The following CGNL1 variants were observed in gnomAD, a reference collection of about 807,000 sequenced individuals.
The protein encoded by CGNL1 is cingulin like 1.
In CGNL1, 132 loss-of-function variants were observed where a neutral mutation model predicts 141.2. The observed-to-expected ratio is 0.93, with a 90% CI of 0.81 to 1.08. The LOEUF is 1.08. CGNL1 is among the 50% of genes least tolerant of loss of function. The pLI is 0.00. For synonymous variants in CGNL1, 690 were observed against 622.1 expected (o/e 1.11, Z -1.63); for missense variants, 1,870 against 1,588.6 (o/e 1.18, Z -3.01).
chr15:57,478,630 A>G (rs1422848605), intron 8 of CGNL1, among the ~76,000 whole-genome samples: 1 of 152,156 alleles, frequency 6.6e-6, no homozygotes, highest in East Asian at 1.9e-4. Context: ...GTGAAAGGAT[A>G]CATGGTGACC....
intron 13 of CGNL1, among the ~76,000 whole-genome samples, chr15:57,529,769 A>G (rs552552313): frequency 6.6e-6 from 1 of 152,354 alleles, no homozygotes; most frequent in South Asian, 2.1e-4. Context: ...TTCAAAATCA[A>G]TGGAATTCCT....
chr15:57,416,487 C>G (rs2062851050), intron 1 of CGNL1, among the ~76,000 whole-genome samples: 1 of 152,182 alleles, frequency 6.6e-6, no homozygotes, highest in African/African-American at 2.4e-5. Context: ...GCATCCTCTC[C>G]TGACCCCTCT....
chr15:57,420,545 A>G (rs371778369), intron 1 of CGNL1, among the ~76,000 whole-genome samples: 60 of 152,294 alleles, frequency 3.9e-4, no homozygotes, highest in African/African-American at 1.4e-3. Flanking sequence ...CAATTCCACT[A>G]TACACATATA....
chr15:57,465,031 T>C (rs1285854050), intron 8 of CGNL1, among the ~76,000 whole-genome samples: 1 of 152,100 alleles, frequency 6.6e-6, no homozygotes, highest in Non-Finnish European at 1.5e-5. Flanking sequence ...GGATTACAGA[T>C]GTGAGCCACT....
intron 3 of CGNL1, 78 bp downstream of exon 3, chr15:57,440,549 A>C: frequency 9.4e-7 from 1 of 1,064,658 alleles, no homozygotes; most frequent in Non-Finnish European, 1.4e-6. Context: ...CGAGGCTTTA[A>C]TGGTTACCTT....
chr15:57,462,293 C>T (rs2063457429), intron 8 of CGNL1, among the ~76,000 whole-genome samples: 2 of 152,140 alleles, frequency 1.3e-5, no homozygotes, highest in African/African-American at 2.4e-5. Flanking sequence ...AATCCTTCAT[C>T]CCCCACCCTA....
chr15:57,537,936 T>G (rs1287879458), intron 14 of CGNL1, among the ~76,000 whole-genome samples: 1 of 152,252 alleles, frequency 6.6e-6, no homozygotes, highest in Non-Finnish European at 1.5e-5. Flanking sequence ...AGAAATACTT[T>G]CCCAGCCTTG....
intron 8 of CGNL1, among the ~76,000 whole-genome samples, chr15:57,503,689 A>G (rs546237143): frequency 6.6e-6 from 1 of 152,196 alleles, no homozygotes; most frequent in African/African-American, 2.4e-5. Flanking sequence ...AGAGTTCCAC[A>G]TGGCTGGGGA....
chr15:57,512,422 G>T (rs2030393738), intron 8 of CGNL1, among the ~76,000 whole-genome samples: 1 of 152,090 alleles, frequency 6.6e-6, no homozygotes, highest in African/African-American at 2.4e-5. Flanking sequence ...AGGACTTTTG[G>T]GAAGATTTGC....
rs1383869331 is a variant in CGNL1, at chr15:57,438,135, G to A, written c.136G>A (p.Val46Ile). 1.2e-6 allele frequency: 2 copies of A among 1,614,158 alleles called. No individual in the cohort carries two copies. Among genetic ancestry groups the A allele is most frequent in the Non-Finnish European group, 8.5e-7 (1 of 1,180,038 alleles). Residue 46 changes from valine to isoleucine, a missense_variant, in exon 2 of 19, where the codon GTC becomes ATC. Val to Ile is a conservative substitution (Grantham distance 29, BLOSUM62 3). Coordinates refer to ENST00000281282, the MANE Select transcript of CGNL1 (RefSeq NM_032866.5). ...AGGCTCCTACGGTGTCAGTATTCGG[G>A]TCCAGGGAATTGATGGTCACCCCTA... ...KAGSYGVSIR[V>I]QGIDGHPYIV... is the part of the protein sequence containing the mutation.
chr15:57,492,026 G>GA (rs2063871578), intron 8 of CGNL1, among the ~76,000 whole-genome samples: 1 of 152,122 alleles, frequency 6.6e-6, no homozygotes, highest in South Asian at 2.1e-4. Flanking sequence ...TCAAGAGCTG[G>GA]AAAAGGACGT....
intron 4 of CGNL1, among the ~76,000 whole-genome samples, chr15:57,448,695 T>A (rs1383889979): frequency 6.6e-6 from 1 of 152,198 alleles, no homozygotes; most frequent in African/African-American, 2.4e-5. Context: ...GTTTCTATTT[T>A]AAAAATATTA....
intron 8 of CGNL1, among the ~76,000 whole-genome samples, chr15:57,504,747 A>T (rs79332783): frequency 0.024 from 3,717 of 152,236 alleles, 165 homozygotes; most frequent in African/African-American, 0.085. Context: ...GTCACCTGCC[A>T]CTTCTTGCAT....
At chr15:57,510,312 C>T (rs909807150) in intron 8 of CGNL1, among the ~76,000 whole-genome samples, 1 of 152,240 alleles carries the variant, frequency 6.6e-6, no homozygotes, top group Non-Finnish European at 1.5e-5. Flanking sequence ...AGATAGGAAA[C>T]TAAGGCTCTG....
chr15:57,460,838 G>T (rs372026934), intron 7 of CGNL1, among the ~76,000 whole-genome samples: 8 of 152,178 alleles, frequency 5.3e-5, no homozygotes, highest in Admixed American at 4.6e-4. Flanking sequence ...AACTGATGGA[G>T]TGAAGACTGG....
At chr15:57,422,065 C>G (rs975072020) in intron 1 of CGNL1, among the ~76,000 whole-genome samples, 5 of 151,722 alleles carry the variant, frequency 3.3e-5, no homozygotes, top group African/African-American at 1.2e-4. Context: ...GCCTAGCTGA[C>G]CAAATGAAGT....
chr15:57,420,439 A>G (rs2062901144), intron 1 of CGNL1, among the ~76,000 whole-genome samples: 1 of 152,194 alleles, frequency 6.6e-6, no homozygotes, highest in South Asian at 2.1e-4. Flanking sequence ...AATTAACCAC[A>G]TGGGTCATTC....
At chr15:57,514,905 G>A (rs151286943) in intron 8 of CGNL1, among the ~76,000 whole-genome samples, 1 of 152,176 alleles carries the variant, frequency 6.6e-6, no homozygotes, top group South Asian at 2.1e-4. Flanking sequence ...AAAAGCAGTT[G>A]GCTATACATG....
chr15:57,417,676 C>T (rs1176751169), intron 1 of CGNL1, among the ~76,000 whole-genome samples: 4 of 147,228 alleles, frequency 2.7e-5, no homozygotes, highest in African/African-American at 1.0e-4. Context: ...TTCATTTATT[C>T]ATTCAATTCA....
Sources: allele counts gnomAD v4.1 joint callset (sites outside exome capture counted in the v4.1 genomes callset), GRCh38; gene constraint gnomAD v4.1.1; transcripts MANE v1.5; gene names NCBI Gene and HGNC (gene_info 2026-07-23, HGNC 2026-07-21).